Variants in ANKRD10 observed in about 807,000 individuals in gnomAD.
ANKRD10 encodes ankyrin repeat domain 10.
In ANKRD10, 14 loss-of-function variants were observed where a neutral mutation model predicts 27.0. The ratio of observed to expected loss-of-function variants is 0.52; its 90% CI spans 0.34 to 0.81. The LOEUF (loss-of-function observed/expected upper bound fraction) is 0.81. ANKRD10 is among the 40% of genes least tolerant of loss of function. The probability of loss-of-function intolerance (pLI) is 0.01; values close to 1 mark genes in which losing one functional copy is unlikely to be tolerated. For synonymous variants in ANKRD10, 250 were observed against 224.5 expected (o/e 1.11, Z -1.01); for missense variants, 493 against 544.0 (o/e 0.91, Z 0.93).
At chr13:110,909,303 G>A (rs1055527751) in intron 2 of ANKRD10, among the ~76,000 whole-genome samples, 4 of 152,180 alleles carry the variant, frequency 2.6e-5, no homozygotes, top group Non-Finnish European at 5.9e-5. Flanking sequence ...GAGCCACAAA[G>A]TTAATGACTT....
At position 110,891,060 on chromosome 13, in the gene ANKRD10, C is replaced by T. The variant is rs144675198; in HGVS notation, c.691+1968G>A. Among the ~76,000 whole-genome samples the T allele has an allele frequency of 9.3e-4, 141 of 152,168 alleles. 1 individual carries two copies. Among genetic ancestry groups the T allele is most frequent in the African/African-American group, 3.1e-3 (128 of 41,504 alleles). On this transcript the variant is annotated intron_variant, in intron 4 of 5. Coordinates refer to ENST00000267339, the MANE Select transcript of ANKRD10 (RefSeq NM_017664.4). Reference sequence around the variant, plus strand: ...AACTCTTCTAGGTGCATTTTGAGTCCAATTAGCATGTTAAGTGATCTCTTT... The same window carrying T: ...AACTCTTCTAGGTGCATTTTGAGTCTAATTAGCATGTTAAGTGATCTCTTT...
chr13:110,898,757 T>C (rs1218075367), intron 3 of ANKRD10, among the ~76,000 whole-genome samples: 3,186 of 142,628 alleles, frequency 0.022, 123 homozygotes, highest in African/African-American at 0.075. Context: ...TTTCTTTTTT[T>C]TTTTTTTTTT....
chr13:110,893,300 G>C (rs768427108), intron 3 of ANKRD10, 37 bp from the exon 4 acceptor site: 3 of 1,598,360 alleles, frequency 1.9e-6, no homozygotes, highest in Admixed American at 1.7e-5. Flanking sequence ...CACCCCATCC[G>C]CGTGCTAACC....
intron 3 of ANKRD10, chr13:110,900,630 T>C: frequency 7.4e-7 from 1 of 1,352,092 alleles, no homozygotes; most frequent in Non-Finnish European, 9.8e-7. Context: ...TTCAGCAGTT[T>C]CTATATGGAA....
chr13:110,884,441 C>A (rs1402357135), intron 4 of ANKRD10, among the ~76,000 whole-genome samples: 1 of 152,184 alleles, frequency 6.6e-6, no homozygotes, highest in Admixed American at 6.5e-5. Flanking sequence ...TGCACAAGCA[C>A]CTCCGCCTCT....
intron 3 of ANKRD10, among the ~76,000 whole-genome samples, chr13:110,902,599 C>T (rs1310526721): frequency 6.6e-6 from 1 of 152,152 alleles, no homozygotes; most frequent in South Asian, 2.1e-4. Context: ...CGATGCTTCT[C>T]AAGCTATCTG....
chr13:110,897,325 T>G (rs182478030), intron 3 of ANKRD10, among the ~76,000 whole-genome samples: 2 of 145,110 alleles, frequency 1.4e-5, no homozygotes, highest in Admixed American at 7.0e-5. Context: ...TTTTGAGAGA[T>G]GTTGCTCAGG....
chr13:110,890,598 A>G (rs1017664462), intron 4 of ANKRD10, among the ~76,000 whole-genome samples: 1 of 152,252 alleles, frequency 6.6e-6, no homozygotes, highest in African/African-American at 2.4e-5. Context: ...GCTTTGAAGT[A>G]ATGTGCATCT....
chr13:110,893,304 G>A, intron 3 of ANKRD10, 41 bp from the exon 4 acceptor site: 1 of 1,590,472 alleles, frequency 6.3e-7, no homozygotes, highest in Non-Finnish European at 8.6e-7. Context: ...CCATCCGCGT[G>A]CTAACCTGGT....
At chr13:110,888,064 C>G (rs905873931) in intron 4 of ANKRD10, among the ~76,000 whole-genome samples, 1 of 152,100 alleles carries the variant, frequency 6.6e-6, no homozygotes, top group African/African-American at 2.4e-5. Context: ...TTTCGCGGGA[C>G]CCGCCAGGGC....
chr13:110,895,064 C>T (rs2065192011), intron 3 of ANKRD10: 1 of 152,014 alleles, frequency 6.6e-6, no homozygotes, highest in Non-Finnish European at 1.5e-5. Flanking sequence ...TAAGTTGCCA[C>T]ATGAAAATTC....
intron 5 of ANKRD10, among the ~76,000 whole-genome samples, chr13:110,880,313 A>G (rs1177363383): frequency 6.6e-6 from 1 of 152,228 alleles, no homozygotes; most frequent in Non-Finnish European, 1.5e-5. Context: ...GCCTGGTAAG[A>G]TAGGAAAATC....
chr13:110,906,489 A>G (rs2065540786), intron 2 of ANKRD10, among the ~76,000 whole-genome samples: 1 of 152,076 alleles, frequency 6.6e-6, no homozygotes, highest in Non-Finnish European at 1.5e-5. Context: ...ACACACATTA[A>G]AACGGTCATC....
chr13:110,893,989 A>T (rs1594579602), intron 3 of ANKRD10: 1 of 688,266 alleles, frequency 1.5e-6, no homozygotes, highest in East Asian at 2.7e-5. Flanking sequence ...TACCTGGCTA[A>T]TAGTACTAAA....
chr13:110,909,191 A>G (rs1295763147), intron 2 of ANKRD10, among the ~76,000 whole-genome samples: 4 of 152,224 alleles, frequency 2.6e-5, no homozygotes, highest in African/African-American at 9.6e-5. Context: ...CTATGTAACA[A>G]TTTGATGAAA....
intron 4 of ANKRD10, among the ~76,000 whole-genome samples, chr13:110,886,175 C>T (rs1926716): frequency 1 from 151,767 of 152,372 alleles, 75,584 homozygotes; most frequent in East Asian, 1. Context: ...GGAAGAGCCG[C>T]GTTAAGGGCA....
intron 2 of ANKRD10, among the ~76,000 whole-genome samples, chr13:110,909,348 C>G (rs2065627647): frequency 6.6e-6 from 1 of 152,136 alleles, no homozygotes; most frequent in Non-Finnish European, 1.5e-5. Flanking sequence ...CCCTTTCTAC[C>G]AGGGGACAGG....
In ANKRD10 at chr13:110,883,725, C is replaced by A; in HGVS notation, c.760G>T (p.Val254Phe). The change falls in exon 5 of 6, where the codon GTT becomes TTT. Residue 254 changes from valine to phenylalanine, a missense_variant. By Grantham distance (50) the Val-to-Phe change is conservative. Transcript: ENST00000267339. ...GTTACAACAGCAAACTCCCTATCAA[C>A]GTGCATTTTGTCAGCATCGTCTTCT... ...DTEDDADKMHVDREFAVVTDM... is the reference protein window; with the variant it reads ...DTEDDADKMHFDREFAVVTDM... 2 of 1,614,182 alleles carry A rather than the reference C, an allele frequency of 1.2e-6. No individual in the cohort carries two copies. Among genetic ancestry groups the A allele is most frequent in the Non-Finnish European group, 1.7e-6 (2 of 1,180,018 alleles).
rs192119785 is a variant in ANKRD10, at chr13:110,882,147, A to C, written c.787+1551T>G. Among the ~76,000 whole-genome samples, 6 of 152,312 alleles carry C rather than the reference A, an allele frequency of 3.9e-5. No individual in the cohort carries two copies. The East Asian group carries it at 1.2e-3, about 29-fold the overall frequency. ...CCGAGCCCTTTCCAGGGGTGGGGAC[A>C]CTTGACCCTCCCGAGTCTCAAACTA... On this transcript the variant is annotated intron_variant, in intron 5 of 5. Coordinates refer to ENST00000267339, the MANE Select transcript of ANKRD10 (RefSeq NM_017664.4).
Sources: allele counts gnomAD v4.1 joint callset (sites outside exome capture counted in the v4.1 genomes callset), GRCh38; gene constraint gnomAD v4.1.1; transcripts MANE v1.5; gene names NCBI Gene and HGNC (gene_info 2026-07-23, HGNC 2026-07-21).